The following GRIN2A variants were observed in gnomAD, a reference collection of about 807,000 sequenced individuals.
The protein encoded by GRIN2A is glutamate ionotropic receptor NMDA type subunit 2A.
A neutral mutation model predicts 113.4 loss-of-function variants in GRIN2A; 22 were observed. The ratio of observed to expected loss-of-function variants is 0.19; its 90% confidence interval spans 0.14 to 0.28. The LOEUF is 0.28. GRIN2A is among the 10% of genes least tolerant of loss of function. The pLI, the probability that GRIN2A is intolerant of heterozygous loss-of-function variation, is 1.00. For synonymous variants in GRIN2A, 827 were observed against 738.4 expected, an observed-to-expected ratio of 1.12 and a Z score of -1.94; for missense variants, 1,502 against 1,887.0, an observed-to-expected ratio of 0.80 and a Z score of 3.78.
intron 10 of GRIN2A, among the ~76,000 whole-genome samples, chr16:9,800,250 C>G (rs566334251): frequency 3.9e-5 from 6 of 152,232 alleles, no homozygotes; most frequent in Non-Finnish European, 2.9e-5. Context: ...GCTGGGATTA[C>G]AGGTGCTAAT....
At chr16:10,161,685 G>T (rs945629763) in intron 2 of GRIN2A, among the ~76,000 whole-genome samples, 1 of 152,130 alleles carries the variant, frequency 6.6e-6, no homozygotes, top group Admixed American at 6.5e-5. Context: ...TTTCTCTTAT[G>T]GCTCCAGAGG....
chr16:9,934,113 T>C (rs985714200), intron 3 of GRIN2A, among the ~76,000 whole-genome samples: 2 of 152,248 alleles, frequency 1.3e-5, no homozygotes, highest in African/African-American at 4.8e-5. Context: ...TTTCAAAATG[T>C]TGAAACAAAC....
intron 5 of GRIN2A, among the ~76,000 whole-genome samples, chr16:9,841,366 GA>G (rs1567338273): frequency 6.6e-6 from 1 of 152,120 alleles, no homozygotes; most frequent in Non-Finnish European, 1.5e-5. Flanking sequence ...ACTAATTGTT[GA>G]ATTAATCTTC....
chr16:10,112,175 A>G (rs2048629435), intron 2 of GRIN2A: 9 of 584,532 alleles, frequency 1.5e-5, no homozygotes, highest in South Asian at 1.5e-4. Context: ...TCACCTGGGT[A>G]GGCATCAACG....
intron 2 of GRIN2A, among the ~76,000 whole-genome samples, chr16:10,162,871 C>G (rs1299665910): frequency 6.6e-6 from 1 of 152,114 alleles, no homozygotes; most frequent in Admixed American, 6.5e-5. Context: ...CTCCATGAAC[C>G]AGGACAGGGA....
chr16:9,906,634 A>G (rs73502632), intron 3 of GRIN2A, among the ~76,000 whole-genome samples: 1,961 of 152,266 alleles, frequency 0.013, 44 homozygotes, highest in African/African-American at 0.044. Flanking sequence ...TTCATTCCCT[A>G]TCTCCTGGAG....
intron 2 of GRIN2A, among the ~76,000 whole-genome samples, chr16:10,029,999 A>G (rs1265319262): frequency 2.6e-5 from 4 of 152,038 alleles, no homozygotes; most frequent in Admixed American, 2.0e-4. Context: ...TCTGTCTCCA[A>G]AAAAATAAAT....
chr16:10,046,995 T>C (rs1372164280), intron 2 of GRIN2A, among the ~76,000 whole-genome samples: 1 of 152,182 alleles, frequency 6.6e-6, no homozygotes, highest in Non-Finnish European at 1.5e-5. Flanking sequence ...CTGTAGGATG[T>C]GTAGAAGCAC....
intron 2 of GRIN2A, among the ~76,000 whole-genome samples, chr16:10,024,462 C>A (rs1172815024): frequency 3.9e-5 from 6 of 152,238 alleles, no homozygotes. Flanking sequence ...TCATGATCCA[C>A]CCGTCTTGGC....
At chr16:9,976,625 C>T (rs1596379893) in intron 2 of GRIN2A, among the ~76,000 whole-genome samples, 1 of 152,134 alleles carries the variant, frequency 6.6e-6, no homozygotes, top group Non-Finnish European at 1.5e-5. Context: ...CACTTAGAGC[C>T]AAGTTTGTGC....
intron 2 of GRIN2A, among the ~76,000 whole-genome samples, chr16:10,092,140 A>T (rs191123722): frequency 7.7e-4 from 117 of 152,356 alleles, no homozygotes; most frequent in African/African-American, 2.7e-3. Flanking sequence ...AGAAGAGTTT[A>T]GTCAAATGAG....
At chr16:9,795,318 C>T (rs1902911829) in intron 11 of GRIN2A, among the ~76,000 whole-genome samples, 1 of 152,150 alleles carries the variant, frequency 6.6e-6, no homozygotes, top group African/African-American at 2.4e-5. Context: ...CCCACTGCTA[C>T]ACTCCCACCA....
chr16:9,786,819 T>C (rs774677797), intron 11 of GRIN2A, among the ~76,000 whole-genome samples: 8 of 152,196 alleles, frequency 5.3e-5, no homozygotes, highest in Admixed American at 2.0e-4. Flanking sequence ...TAGGAATGAA[T>C]AATTATAACT....
At chr16:9,964,290 T>C (rs539795791) in intron 2 of GRIN2A, among the ~76,000 whole-genome samples, 3 of 152,326 alleles carry the variant, frequency 2.0e-5, no homozygotes, top group East Asian at 3.9e-4. Flanking sequence ...CAATCCTGCA[T>C]CTACCACTTG....
At chr16:10,142,264 A>T (rs1474032434) in intron 2 of GRIN2A, among the ~76,000 whole-genome samples, 1 of 152,240 alleles carries the variant, frequency 6.6e-6, no homozygotes, top group Non-Finnish European at 1.5e-5. Flanking sequence ...CCCAGGGTTA[A>T]GGTTAGCTGC....
At chr16:9,919,552 A>G (rs145086966) in intron 3 of GRIN2A, among the ~76,000 whole-genome samples, 2 of 152,302 alleles carry the variant, frequency 1.3e-5, no homozygotes, top group Non-Finnish European at 2.9e-5. Flanking sequence ...AGGCAAGTAC[A>G]TTTTGTACCA....
At chr16:10,107,056 T>G (rs762381348) in intron 2 of GRIN2A, among the ~76,000 whole-genome samples, 2 of 152,174 alleles carry the variant, frequency 1.3e-5, no homozygotes, top group African/African-American at 2.4e-5. Flanking sequence ...TCTTTACCCC[T>G]AAGGGACATC....
intron 2 of GRIN2A, among the ~76,000 whole-genome samples, chr16:9,957,928 G>A (rs1189757042): frequency 4.6e-5 from 7 of 152,116 alleles, no homozygotes. Context: ...CTGATATGAA[G>A]GGCTTCCCCA....
Position 9,822,265 on chromosome 16 carries a change from C to T in GRIN2A, c.2167G>A (p.Gly723Arg), listed in dbSNP as rs1355678094. 6.2e-7 allele frequency: 1 copy of T among 1,613,682 alleles called. No individual in the cohort carries two copies. The highest frequency in any genetic ancestry group is 1.7e-5 in the Admixed American group (1 of 59,982). ...VEDALVSLKTGKLDAFIYDAA... is the reference protein window; with the variant it reads ...VEDALVSLKTRKLDAFIYDAA... Reference sequence around the variant, plus strand: ...TGAAAAGGAAACTGCCATCCTTACCCCGTTTTCAGGCTGACCAAGGCGTCC... The same window carrying T: ...TGAAAAGGAAACTGCCATCCTTACCTCGTTTTCAGGCTGACCAAGGCGTCC... Residue 723 changes from glycine (G) to arginine (R), a missense_variant and splice_region_variant, in exon 10 of 13, where the codon GGG (glycine) becomes AGG (arginine). Around this residue, in one of 7 missense-constraint regions of GRIN2A, gnomAD observed 101 missense variants for 240.4 expected, o/e 0.42. Coordinates refer to ENST00000330684, the MANE Select transcript of GRIN2A (RefSeq NM_001134407.3).
Sources: allele counts gnomAD v4.1 joint callset (sites outside exome capture counted in the v4.1 genomes callset), GRCh38; gene constraint gnomAD v4.1.1; regional missense constraint gnomAD v4.1.1; transcripts MANE v1.5; gene names NCBI Gene and HGNC (gene_info 2026-07-23, HGNC 2026-07-21).